Variants in INO80D observed in about 807,000 individuals in gnomAD.
INO80D encodes the protein INO80 complex subunit D.
In INO80D, 21 loss-of-function variants were observed where a neutral mutation model predicts 87.6. The observed-to-expected ratio is 0.24, with a 90% CI of 0.17 to 0.35. INO80D has a LOEUF of 0.35. Ranked by LOEUF, INO80D falls within the 10% of genes least tolerant of loss-of-function variation. INO80D has a pLI of 1.00. For synonymous variants in INO80D, 440 were observed against 491.0 expected (o/e 0.90, Z 1.37); for missense variants, 982 against 1,280.7 (o/e 0.77, Z 3.56).
Position 206,019,861 on chromosome 2 carries a change from C to G in INO80D, c.1299-16G>C. On this transcript the variant is annotated splice_polypyrimidine_tract_variant and intron_variant, in intron 6 of 10. Coordinates refer to ENST00000403263, the MANE Select transcript of INO80D (RefSeq NM_017759.5). ...CCGGCTTATGCTAAGGAAAGAAAAA[C>G]AGAGAATTAATTTTTTTTTAATGCT... 1 of 1,595,822 alleles carries G rather than the reference C, an allele frequency of 6.3e-7. No homozygotes were observed. The highest frequency in any genetic ancestry group is 1.7e-4 in the Middle Eastern group (1 of 6,006).
chr2:206,070,598 T>C (rs966869052), intron 1 of INO80D, among the ~76,000 whole-genome samples: 1 of 152,084 alleles, frequency 6.6e-6, no homozygotes, highest in African/African-American at 2.4e-5. Context: ...CATGTGCCTA[T>C]AGTCCCAGCT....
At chr2:206,073,375 T>A (rs1302869190) in intron 1 of INO80D, among the ~76,000 whole-genome samples, 2 of 152,184 alleles carry the variant, frequency 1.3e-5, no homozygotes, top group Non-Finnish European at 2.9e-5. Flanking sequence ...GAAGTTCACA[T>A]CACTTTCACT....
At position 206,009,673 on chromosome 2, in the gene INO80D, G is replaced by A. The variant is rs1246940847; in HGVS notation, c.1664C>T (p.Pro555Leu). 1.2e-6 allele frequency: 2 copies of A among 1,613,994 alleles called. No homozygotes were observed. The highest frequency in any genetic ancestry group is 4.5e-5 in the East Asian group (2 of 44,868). Residue 555 changes from proline to leucine, a missense_variant, in exon 9 of 11, where the codon CCT (proline) becomes CTT (leucine). Physicochemically the swap from Pro to Leu is moderately conservative, Grantham distance 98. Transcript: ENST00000403263. The part of the protein sequence containing the change: ...KKHKKKRRRG[P>L]RRPQKPIPPA... ...TGGAATGGGTTTTTGGGGTCGACGA[G>A]GTCCACGCCTTCTCTTCTTCTTGTG...
chr2:206,059,242 G>T (rs1207609284), intron 3 of INO80D, among the ~76,000 whole-genome samples: 2 of 151,976 alleles, frequency 1.3e-5, no homozygotes, highest in East Asian at 3.9e-4. Context: ...TTAGCCGGGT[G>T]TGGTGGTGTG....
chr2:206,027,524 C>A (rs1009438947), intron 6 of INO80D, among the ~76,000 whole-genome samples: 1 of 152,030 alleles, frequency 6.6e-6, no homozygotes, highest in Non-Finnish European at 1.5e-5. Flanking sequence ...TACAGCGAGA[C>A]CCTCACCTCT....
At chr2:206,024,484 G>C (rs555137383) in intron 6 of INO80D, among the ~76,000 whole-genome samples, 2 of 151,854 alleles carry the variant, frequency 1.3e-5, no homozygotes, top group South Asian at 2.1e-4. Context: ...AGTCAGGCAA[G>C]GTGATTTGGG....
chr2:206,017,504 C>A (rs563519345), intron 8 of INO80D, among the ~76,000 whole-genome samples, 176 bp downstream of exon 8: 31 of 152,282 alleles, frequency 2.0e-4, no homozygotes, highest in Middle Eastern at 6.8e-3. Flanking sequence ...TTTAGAAATT[C>A]TGCTATGTAT....
At position 206,007,408 on chromosome 2, in the gene INO80D, C is replaced by T. The variant is rs1427579991; in HGVS notation, c.1794G>A (p.Glu598=). 1 of 1,613,564 alleles carries T rather than the reference C, an allele frequency of 6.2e-7. No homozygotes were observed. Among genetic ancestry groups the T allele is most frequent in the Non-Finnish European group, 8.5e-7 (1 of 1,179,804 alleles). ...SPSTPELSAD[E]LPDDIANEIT... ...TCTCATTGGCAATGTCATCCGGCAACTCATCAGCACTCAGCTCTGGCGTGG... is the reference window on the plus strand; with the variant it reads ...TCTCATTGGCAATGTCATCCGGCAATTCATCAGCACTCAGCTCTGGCGTGG... Residue 598 remains glutamate (E), a synonymous_variant, in exon 10 of 11, where the codon GAG becomes GAA. Coordinates refer to ENST00000403263, the MANE Select transcript of INO80D (RefSeq NM_017759.5).
At position 206,004,447 on chromosome 2, in the gene INO80D, G is replaced by A; in HGVS notation, c.3005C>T (p.Pro1002Leu). The A allele has an allele frequency of 1.2e-6, 2 of 1,606,214 alleles. No homozygotes were observed. ...ACCTGTTACTGTGAAGCCTGTAGGA[G>A]GGGCTATAGAGCTGTGGCTGGGCTG... ...DLQPSHSSIA[P>L]PTGFTVTGAT... The change falls in exon 11 of 11, where the codon CCT becomes CTT. Residue 1002 changes from proline (P) to leucine (L), a missense_variant. By Grantham distance (98) the Pro-to-Leu change is moderately conservative. Coordinates refer to ENST00000403263, the MANE Select transcript of INO80D (RefSeq NM_017759.5). This position sits in a 1 kb window ranked among gnomAD's most constrained non-coding sequence, Gnocchi z 4.9.
chr2:206,019,724 T>C lies in INO80D; in HGVS notation c.1408+12A>G, dbSNP rs771526415. ...CTTTTTCAATGCACATTCCATTTAG[T>C]TGAAAGGATACGTTGGAAACAATGT... is the stretch of plus-strand genomic sequence containing the variant. On this transcript the variant is annotated intron_variant, in intron 7 of 10. Coordinates refer to ENST00000403263, the MANE Select transcript of INO80D (RefSeq NM_017759.5). 6.2e-7 allele frequency: 1 copy of C among 1,604,826 alleles called. No homozygotes were observed. Among genetic ancestry groups the C allele is most frequent in the Non-Finnish European group, 8.5e-7 (1 of 1,172,546 alleles).
rs188201493 is a variant in INO80D, at chr2:206,069,386, A to C, written c.-123-6142T>G. Among the ~76,000 whole-genome samples, 190 of 152,268 alleles carry C rather than the reference A, an allele frequency of 1.2e-3. 1 individual carries two copies. The highest frequency in any genetic ancestry group is 3.4e-3 in the Middle Eastern group (1 of 294). Reference sequence around the variant, plus strand: ...TAATACATATACAAAATATGTGTTAATCTGTTCACGTTTTCAGCAAGGCTT... The same window carrying C: ...TAATACATATACAAAATATGTGTTACTCTGTTCACGTTTTCAGCAAGGCTT... On this transcript the variant is annotated intron_variant, in intron 1 of 10. Coordinates refer to ENST00000403263, the MANE Select transcript of INO80D (RefSeq NM_017759.5).
intron 1 of INO80D, among the ~76,000 whole-genome samples, chr2:206,071,820 C>T (rs192533495): frequency 9.2e-5 from 14 of 152,086 alleles, no homozygotes; most frequent in African/African-American, 3.4e-4. Flanking sequence ...ACCATAGGAA[C>T]TATTTTTTCA....
rs932718806 is a variant in INO80D at position 206,028,273 on chromosome 2, T to C, written c.1136A>G (p.Gln379Arg). 4.3e-6 allele frequency: 7 copies of C among 1,612,538 alleles called. No homozygotes were observed. Among genetic ancestry groups the C allele is most frequent in the Non-Finnish European group, 5.9e-6 (7 of 1,178,730 alleles). The change falls in exon 6 of 11, where the codon CAG becomes CGG. Residue 379 changes from glutamine (Q) to arginine (R), a missense_variant. Transcript: ENST00000403263. ...SRVTQLCTYF[Q>R]QKYKHLCRLE... Reference sequence around the variant, plus strand: ...GCGGCAGAGGTGCTTATATTTCTGCTGAAAGTAAGTGCAAAGTTGAGTCAC... The same window carrying C: ...GCGGCAGAGGTGCTTATATTTCTGCCGAAAGTAAGTGCAAAGTTGAGTCAC...
At chr2:206,017,012 C>T (rs1260257105) in intron 8 of INO80D, among the ~76,000 whole-genome samples, 3 of 152,172 alleles carry the variant, frequency 2.0e-5, no homozygotes, top group Admixed American at 6.5e-5. Flanking sequence ...GAATCACACA[C>T]ATTGAGACTG....
Position 206,023,871 on chromosome 2 carries a change from T to C in INO80D, c.1299-4026A>G, listed in dbSNP as rs116625300. Among the ~76,000 whole-genome samples the C allele has an allele frequency of 5.8e-3, 879 of 152,250 alleles. 9 individuals carry two copies. The highest frequency in any genetic ancestry group is 0.02 in the African/African-American group (836 of 41,546). The stretch of plus-strand genomic sequence containing the variant: ...TGTTTGTTTGTTGTGGCAGTTATCA[T>C]TAATGTTTTTTAAATATCACTGATG... On this transcript the variant is annotated intron_variant, in intron 6 of 10. Transcript: ENST00000403263.
At position 206,009,684 on chromosome 2, in the gene INO80D, T is replaced by C. The variant is rs1311761722; in HGVS notation, c.1653A>G (p.Arg551=). The change falls in exon 9 of 11, where the codon AGA becomes AGG. Residue 551 remains arginine, a synonymous_variant. Transcript: ENST00000403263. The stretch of plus-strand genomic sequence containing the variant: ...TTTGGGGTCGACGAGGTCCACGCCT[T>C]CTCTTCTTCTTGTGTTTTTTGGTTA... ...PALTKKHKKK[R]RRGPRRPQKP... 1 of 1,613,838 alleles carries C rather than the reference T, an allele frequency of 6.2e-7. No individual in the cohort carries two copies. The highest frequency in any genetic ancestry group is 8.5e-7 in the Non-Finnish European group (1 of 1,179,892).
At chr2:206,015,683 G>A (rs971683734) in intron 8 of INO80D, among the ~76,000 whole-genome samples, 5 of 152,182 alleles carry the variant, frequency 3.3e-5, no homozygotes, top group African/African-American at 9.6e-5. Flanking sequence ...TCAGGAGTTT[G>A]AGACCACCCT....
At chr2:206,027,219 G>A (rs1450459597) in intron 6 of INO80D, among the ~76,000 whole-genome samples, 2 of 151,544 alleles carry the variant, frequency 1.3e-5, no homozygotes, top group African/African-American at 4.9e-5. Context: ...TGTTAACAGT[G>A]CTCATTCTCT....
intron 9 of INO80D, among the ~76,000 whole-genome samples, chr2:206,008,238 C>T (rs1688079367): frequency 1.3e-5 from 2 of 151,430 alleles, no homozygotes; most frequent in African/African-American, 4.9e-5. Context: ...CCCACCTTGG[C>T]CTCCCAAAGT....
Sources: allele counts gnomAD v4.1 joint callset (sites outside exome capture counted in the v4.1 genomes callset), GRCh38; gene constraint gnomAD v4.1.1; non-coding constraint Gnocchi (gnomAD v3.1); transcripts MANE v1.5; gene names NCBI Gene and HGNC (gene_info 2026-07-23, HGNC 2026-07-21).